The following FBXL18 variants were observed in gnomAD, a reference collection of about 807,000 sequenced individuals.
FBXL18 encodes F-box and leucine rich repeat protein 18.
In FBXL18, 36 loss-of-function variants were observed where a neutral mutation model predicts 46.0. The ratio of observed to expected loss-of-function variants is 0.78; its 90% CI spans 0.60 to 1.03. The LOEUF is 1.03. FBXL18 is among the 50% of genes least tolerant of loss of function. FBXL18 has a pLI of 0.00. For synonymous variants in FBXL18, 557 were observed against 465.3 expected (o/e 1.20, Z -2.54); for missense variants, 977 against 1,004.1 (o/e 0.97, Z 0.36).
chr7:5,492,883 G>T (rs1783967583), intron 3 of FBXL18, among the ~76,000 whole-genome samples: 1 of 152,092 alleles, frequency 6.6e-6, no homozygotes, highest in South Asian at 2.1e-4. Context: ...GGGGCCTCTG[G>T]GCTCCAGAAT....
intron 3 of FBXL18, among the ~76,000 whole-genome samples, chr7:5,497,530 G>C (rs979102831): frequency 5.9e-5 from 9 of 152,224 alleles, no homozygotes; most frequent in South Asian, 4.1e-4. Flanking sequence ...TCTGCAGTGG[G>C]AGGAGGTCGA....
At chr7:5,461,147 G>T (rs1029948968) in intron 4 of FBXL18, among the ~76,000 whole-genome samples, 1 of 152,246 alleles carries the variant, frequency 6.6e-6, no homozygotes, top group African/African-American at 2.4e-5. Context: ...TGCAAACACA[G>T]CCGGACCTGA....
intron 4 of FBXL18, among the ~76,000 whole-genome samples, chr7:5,482,594 G>A (rs745460059): frequency 8.3e-5 from 12 of 145,328 alleles, no homozygotes; most frequent in Non-Finnish European, 1.3e-4. Context: ...AGTGCCAGAC[G>A]CTGCATTGAG....
intron 4 of FBXL18, among the ~76,000 whole-genome samples, chr7:5,483,028 A>G (rs1405254925): frequency 1.3e-5 from 2 of 150,158 alleles, no homozygotes; most frequent in Non-Finnish European, 3.0e-5. Context: ...ACACAGTAAG[A>G]CCCTGTCTCA....
chr7:5,484,683 G>A lies in FBXL18; in HGVS notation c.2001-2752C>T, dbSNP rs1013775858. On this transcript the variant is annotated intron_variant, in intron 4 of 4. Transcript: ENST00000382368. ...AGACGCAGTCTTACTCTGTCGCCCCGGCTGGAGTGCAATCGCGTGATCTTG... is the reference window on the plus strand; with the variant it reads ...AGACGCAGTCTTACTCTGTCGCCCCAGCTGGAGTGCAATCGCGTGATCTTG... 3.6e-4 allele frequency among the ~76,000 whole-genome samples: 51 copies of A among 142,954 alleles called. 1 individual carries two copies. The highest frequency in any genetic ancestry group is 1.3e-3 in the South Asian group (6 of 4,518). The allele number at this position is 142,954 out of a possible 152,430, so 93.8% of individuals were successfully genotyped here.
At chr7:5,471,136 C>A (rs1050173917), downstream of FBXL18, among the ~76,000 whole-genome samples, 1 of 152,186 alleles carries the variant, frequency 6.6e-6, no homozygotes, top group African/African-American at 2.4e-5. Context: ...GCTAGGATTC[C>A]GTCACGCCAT....
intron 3 of FBXL18, among the ~76,000 whole-genome samples, chr7:5,492,665 C>T (rs976858055): frequency 2.0e-5 from 3 of 152,036 alleles, no homozygotes; most frequent in African/African-American, 7.3e-5. Flanking sequence ...ATGATGGGGA[C>T]TCTAAATCTA....
intron 1 of FBXL18, 44 bp downstream of exon 1, chr7:5,513,613 G>T: frequency 6.2e-7 from 1 of 1,609,096 alleles, no homozygotes; most frequent in South Asian, 1.1e-5. Flanking sequence ...GGGAGACCGA[G>T]GCCGCCGAGG....
chr7:5,492,471 G>T (rs1057480225), intron 3 of FBXL18, among the ~76,000 whole-genome samples: 4 of 151,682 alleles, frequency 2.6e-5, no homozygotes, highest in Non-Finnish European at 4.4e-5. Context: ...CTCCCGGGGT[G>T]GGGGGAGGAG....
chr7:5,456,436 G>A (rs748461883), intron 4 of FBXL18, among the ~76,000 whole-genome samples: 2 of 152,192 alleles, frequency 1.3e-5, no homozygotes, highest in Non-Finnish European at 2.9e-5. Flanking sequence ...CATCTCACGC[G>A]GTCAATTACA....
intron 1 of FBXL18, among the ~76,000 whole-genome samples, chr7:5,509,324 T>C (rs1784470870): frequency 6.6e-6 from 1 of 152,042 alleles, no homozygotes; most frequent in African/African-American, 2.4e-5. Context: ...AGGCCAGGAA[T>C]TAAGTTCCAG....
intron 4 of FBXL18, among the ~76,000 whole-genome samples, chr7:5,488,155 T>A (rs1478536734): frequency 2.6e-5 from 4 of 152,186 alleles, no homozygotes; most frequent in Non-Finnish European, 2.9e-5. Flanking sequence ...CCTTAGATCA[T>A]CAGACTTGCC....
chr7:5,488,371 A>G (rs1783829090), intron 4 of FBXL18, among the ~76,000 whole-genome samples: 1 of 152,232 alleles, frequency 6.6e-6, no homozygotes. Flanking sequence ...AAGCAGGCTC[A>G]TCGGAGCAGG....
chr7:5,497,030 C>CA (rs34719109), intron 3 of FBXL18, among the ~76,000 whole-genome samples: 16,042 of 69,290 alleles, frequency 0.23, 2,438 homozygotes, highest in African/African-American at 0.46. Flanking sequence ...GACTCTGTCT[C>CA]AAAAAAAAAA....
At position 5,491,464 on chromosome 7, in the gene FBXL18, G is replaced by A. The variant is rs528098570; in HGVS notation, c.1782-15C>T. The A allele has an allele frequency of 5.1e-6, 8 of 1,556,720 alleles. No individual in the cohort carries two copies. The East Asian group carries it at 7.0e-5, about 14-fold the overall frequency. ...GCTGCTCCAGCCTGCGGGGAGAGAGGGCAGCTGTGAGGTCCGAGGGAGGGG... is the reference window on the plus strand; with the variant it reads ...GCTGCTCCAGCCTGCGGGGAGAGAGAGCAGCTGTGAGGTCCGAGGGAGGGG... On this transcript the variant is annotated splice_polypyrimidine_tract_variant and intron_variant, in intron 3 of 4. Coordinates refer to ENST00000382368, the MANE Select transcript of FBXL18 (RefSeq NM_024963.6).
At chr7:5,488,254 C>G (rs895233915) in intron 4 of FBXL18, among the ~76,000 whole-genome samples, 1 of 152,242 alleles carries the variant, frequency 6.6e-6, no homozygotes. Flanking sequence ...CCACAGGCAG[C>G]AGGTGAATGG....
At chr7:5,470,174 T>A (rs1190293581) in intron 4 of FBXL18, among the ~76,000 whole-genome samples, 1 of 152,090 alleles carries the variant, frequency 6.6e-6, no homozygotes, top group Non-Finnish European at 1.5e-5. Context: ...CTGCCAGCCA[T>A]CATCTTCCCC....
intron 1 of FBXL18, among the ~76,000 whole-genome samples, chr7:5,512,572 T>C (rs568902098): frequency 4.5e-4 from 69 of 152,232 alleles, no homozygotes; most frequent in African/African-American, 1.6e-3. Flanking sequence ...ACCGCTGCAC[T>C]ACAGCCTGGG....
chr7:5,510,914 T>A (rs1001178904), intron 1 of FBXL18, among the ~76,000 whole-genome samples: 1 of 152,142 alleles, frequency 6.6e-6, no homozygotes, highest in Non-Finnish European at 1.5e-5. Flanking sequence ...CCAGGCACAC[T>A]AGGAACCACC....
Sources: gnomAD v4.1 joint callset for allele counts (sites outside exome capture counted in the v4.1 genomes callset) on GRCh38, gnomAD v4.1.1 for gene constraint, MANE v1.5 for transcripts, NCBI Gene and HGNC (gene_info 2026-07-23, HGNC 2026-07-21) for gene names.